CTNND2: variants seen among roughly 807,000 people sequenced by gnomAD.
CTNND2 encodes catenin delta-2.
Under a neutral mutation model 144.4 loss-of-function variants are expected in CTNND2, and 22 were observed. That is an observed-to-expected ratio of 0.15 (90% CI 0.11 to 0.22). The LOEUF (loss-of-function observed/expected upper bound fraction) is 0.22, where lower values mean the gene tolerates loss of function less well. Among genes scored for constraint, CTNND2 ranks in the 10% least tolerant of loss-of-function variants. CTNND2 has a pLI of 1.00. For synonymous variants in CTNND2, 751 were observed against 695.6 expected (o/e 1.08, Z -1.25); for missense variants, 1,353 against 1,618.8 (o/e 0.84, Z 2.82).
At chr5:11,802,844 G>A (rs1391291461) in intron 1 of CTNND2, among the ~76,000 whole-genome samples, 3 of 152,086 alleles carry the variant, frequency 2.0e-5, no homozygotes, top group Admixed American at 6.5e-5. Flanking sequence ...TCCCTTCTAT[G>A]AGCATGTGCC....
At chr5:11,841,972 C>G (rs1228579807) in intron 1 of CTNND2, among the ~76,000 whole-genome samples, 2 of 151,944 alleles carry the variant, frequency 1.3e-5, no homozygotes, top group Admixed American at 6.6e-5. Flanking sequence ...TCTGATAAAG[C>G]TTTCTGGTAA....
At chr5:11,420,970 C>G (rs1439674801) in intron 3 of CTNND2, among the ~76,000 whole-genome samples, 3 of 152,204 alleles carry the variant, frequency 2.0e-5, no homozygotes, top group Middle Eastern at 3.4e-3. Context: ...CTACGTGACA[C>G]AGGTAAATTT....
chr5:11,861,763 T>C (rs901257229), intron 1 of CTNND2, among the ~76,000 whole-genome samples: 8 of 152,204 alleles, frequency 5.3e-5, no homozygotes, highest in African/African-American at 1.7e-4. Context: ...TCTCCCATCA[T>C]CTCTCTGAAG....
rs150261964 is a variant in CTNND2 at position 11,843,086 on chromosome 5, CA to C, written c.37+60730del. Among the ~76,000 whole-genome samples the C allele has an allele frequency of 7.6e-3, 1,153 of 152,204 alleles. 11 individuals are homozygous for C. Among genetic ancestry groups the C allele is most frequent in the African/African-American group, 0.026 (1,080 of 41,544 alleles). ...CAAATCTTTCTTTCCCAACAATGCC[CA>C]GAAGGGAATGTCATCACTCTGACAG... is the stretch of plus-strand genomic sequence containing the variant. On this transcript the variant is annotated intron_variant, in intron 1 of 21. Coordinates refer to ENST00000304623, the MANE Select transcript of CTNND2 (RefSeq NM_001332.4).
Position 11,159,700 on chromosome 5 carries a change from G to A in CTNND2, c.2035C>T (p.Leu679=). Residue 679 remains leucine (L), a synonymous_variant, in exon 12 of 22, where the codon CTA becomes TTA. Transcript: ENST00000304623. The part of the protein sequence containing the change: ...ALKMPIIQDA[L]AVLTNAVIIP... Reference sequence around the variant, plus strand: ...ATCACCGCGTTGGTCAGTACTGCTAGGGCATCCTGGATGATTGGCATTTTG... The same window carrying A: ...ATCACCGCGTTGGTCAGTACTGCTAAGGCATCCTGGATGATTGGCATTTTG... The A allele has an allele frequency of 6.2e-7, 1 of 1,611,818 alleles. No homozygotes were observed. Among genetic ancestry groups the A allele is most frequent in the Non-Finnish European group, 8.5e-7 (1 of 1,179,068 alleles).
chr5:11,296,076 T>C (rs154715), intron 9 of CTNND2, among the ~76,000 whole-genome samples: 26,226 of 59,862 alleles, frequency 0.44, 3,470 homozygotes, highest in Middle Eastern at 0.47. Context: ...ATTTTTGCAA[T>C]CTACTCATCT....
chr5:11,140,088 T>C (rs1395510643), intron 12 of CTNND2, among the ~76,000 whole-genome samples: 1 of 152,248 alleles, frequency 6.6e-6, no homozygotes, highest in Non-Finnish European at 1.5e-5. Flanking sequence ...CTTAATTCCA[T>C]CTGCAACCTT....
At chr5:11,490,038 G>T (rs181675217) in intron 3 of CTNND2, among the ~76,000 whole-genome samples, 4 of 152,252 alleles carry the variant, frequency 2.6e-5, no homozygotes, top group African/African-American at 9.6e-5. Context: ...GTGAATTCAT[G>T]CTGATAGGTG....
intron 19 of CTNND2, among the ~76,000 whole-genome samples, chr5:10,989,502 G>C (rs1738422025): frequency 6.6e-6 from 1 of 152,192 alleles, no homozygotes; most frequent in Non-Finnish European, 1.5e-5. Context: ...AGAGCACTCT[G>C]ATTTTTAGGA....
intron 3 of CTNND2, among the ~76,000 whole-genome samples, chr5:11,427,505 C>G (rs1003268403): frequency 6.6e-6 from 1 of 152,028 alleles, no homozygotes; most frequent in Non-Finnish European, 1.5e-5. Context: ...GTCTCGGACT[C>G]CTGACCTCAA....
chr5:11,758,065 T>C (rs946730090), intron 1 of CTNND2, among the ~76,000 whole-genome samples: 2 of 151,968 alleles, frequency 1.3e-5, no homozygotes, highest in African/African-American at 4.8e-5. Flanking sequence ...TGCATATACA[T>C]CCTATTACAA....
chr5:11,285,640 T>A lies in CTNND2; in HGVS notation c.1629-48817A>T, dbSNP rs1045699796. 1.1e-4 allele frequency among the ~76,000 whole-genome samples: 16 copies of A among 152,280 alleles called. 1 individual carries two copies. The highest frequency in any genetic ancestry group is 5.9e-4 in the Admixed American group (9 of 15,286). ...CCCCTCTGCAACAACCTCTTATGAC[T>A]GCAGTAGAATGAAACGAAAGAATGG... On this transcript the variant is annotated intron_variant, in intron 9 of 21. Coordinates refer to ENST00000304623, the MANE Select transcript of CTNND2 (RefSeq NM_001332.4).
chr5:11,235,085 G>A (rs1741479692), intron 10 of CTNND2, among the ~76,000 whole-genome samples: 1 of 152,174 alleles, frequency 6.6e-6, no homozygotes, highest in Non-Finnish European at 1.5e-5. Context: ...AGTCATGCCA[G>A]CAACCTTGGC....
At position 11,903,835 on chromosome 5, in the gene CTNND2, G is replaced by C; in HGVS notation, c.19C>G (p.Pro7Ala). The C allele has an allele frequency of 6.7e-7, 1 of 1,483,262 alleles. No individual in the cohort carries two copies. The highest frequency in any genetic ancestry group is 8.9e-7 in the Non-Finnish European group (1 of 1,123,178). The allele number at this position is 1,483,262 out of a possible 1,614,324, so 91.9% of individuals were successfully genotyped here. Residue 7 changes from proline (P) to alanine (A), a missense_variant, in exon 1 of 22, where the codon CCG (proline) becomes GCG (alanine). Around this residue, in one of 4 missense-constraint regions of CTNND2, gnomAD observed 708 missense variants for 706.4 expected, o/e 1.00. Coordinates refer to ENST00000304623, the MANE Select transcript of CTNND2 (RefSeq NM_001332.4). The surrounding 1 kb of genome is among the most constrained non-coding windows in gnomAD (Gnocchi z 5.4). ...AACTCACCCAAAGGCGCGGCGCCCG[G>C]CGGCTTCCTCGCAAACATGCACCCT... MFARKP[P>A]GAAPLGAMPV...
chr5:11,011,563 G>A (rs1741086625), intron 18 of CTNND2, among the ~76,000 whole-genome samples: 1 of 152,190 alleles, frequency 6.6e-6, no homozygotes, highest in Non-Finnish European at 1.5e-5. Context: ...AGTGGACGCT[G>A]TTCTCTCTGA....
chr5:11,003,704 G>A (rs530130991), intron 18 of CTNND2, among the ~76,000 whole-genome samples: 1 of 152,254 alleles, frequency 6.6e-6, no homozygotes, highest in Admixed American at 6.5e-5. Flanking sequence ...GTTTGTTAAA[G>A]ATTCATTAAA....
intron 2 of CTNND2, among the ~76,000 whole-genome samples, chr5:11,597,976 A>T (rs1184093465): frequency 6.6e-6 from 1 of 152,144 alleles, no homozygotes; most frequent in East Asian, 1.9e-4. Context: ...ATATCACTGA[A>T]ATTACCCTTT....
At position 11,008,095 on chromosome 5, in the gene CTNND2, C is replaced by A. The variant is rs563103321; in HGVS notation, c.3084+9879G>T. Reference sequence around the variant, plus strand: ...GTGGTGAGCATGGAGTTAGGAGGAGCCAAACCCCTGGCTCTGGCAGGCGTT... The same window carrying A: ...GTGGTGAGCATGGAGTTAGGAGGAGACAAACCCCTGGCTCTGGCAGGCGTT... On this transcript the variant is annotated intron_variant, in intron 18 of 21. Transcript: ENST00000304623. Among the ~76,000 whole-genome samples, 9 of 152,268 alleles carry A rather than the reference C, an allele frequency of 5.9e-5. No homozygotes were observed. In the South Asian group the frequency reaches 1.0e-3, roughly 18 times the overall value.
chr5:11,713,583 CAAAAAAAAAAAAAA>C (rs1165519277), intron 2 of CTNND2, among the ~76,000 whole-genome samples: 1 of 57,890 alleles, frequency 1.7e-5, no homozygotes, highest in Non-Finnish European at 3.6e-5. Context: ...GACTCCATCT[CAAAAAAAAAAAAAA>C]AAAAAAAAAT....
Sources: allele counts gnomAD v4.1 joint callset (sites outside exome capture counted in the v4.1 genomes callset), GRCh38; gene constraint gnomAD v4.1.1; regional missense constraint gnomAD v4.1.1; non-coding constraint Gnocchi (gnomAD v3.1); transcripts MANE v1.5; gene names NCBI Gene and HGNC (gene_info 2026-07-23, HGNC 2026-07-21).